The following LRRC19 variants were observed in gnomAD, a reference collection of about 807,000 sequenced individuals.
LRRC19 encodes leucine-rich repeat-containing protein 19.
A neutral mutation model predicts 33.3 loss-of-function variants in LRRC19; 33 were observed. That is an observed-to-expected ratio of 0.99 (90% CI 0.75 to 1.33). The LOEUF (loss-of-function observed/expected upper bound fraction) is 1.33. LRRC19 is among the 40% of genes most tolerant of loss of function. The pLI, the probability that LRRC19 is intolerant of heterozygous loss-of-function variation, is 0.00. For missense variants in LRRC19, 463 were observed against 417.3 expected (o/e 1.11, Z -0.95); for synonymous variants, 184 against 152.3 (o/e 1.21, Z -1.53).
In LRRC19 at chr9:26,997,767, T is replaced by A. The variant is rs1828242078; in HGVS notation, c.556A>T (p.Asn186Tyr). Residue 186 changes from asparagine (N) to tyrosine (Y), a missense_variant, in exon 3 of 5, where the codon AAT becomes TAT. Coordinates refer to ENST00000380055, the MANE Select transcript of LRRC19 (RefSeq NM_022901.3). ...NLWNCSCSLF[N>Y]LQNWLNTSNV... ...GATGTGTTCAACCAGTTCTGCAAAT[T>A]AAATAGACTGCAAGAGCAGTTCCAT... 6.2e-7 allele frequency: 1 copy of A among 1,611,134 alleles called. No individual in the cohort carries two copies. The highest frequency in any genetic ancestry group is 1.1e-5 in the South Asian group (1 of 90,102).
intron 1 of LRRC19, among the ~76,000 whole-genome samples, chr9:27,000,662 C>A (rs1190690128): frequency 6.6e-6 from 1 of 152,098 alleles, no homozygotes; most frequent in Admixed American, 6.6e-5. Flanking sequence ...TCTCTTCTAG[C>A]TGTTTTTAAA....
chr9:26,997,095 C>T (rs1038271696), intron 3 of LRRC19, among the ~76,000 whole-genome samples: 1 of 151,664 alleles, frequency 6.6e-6, no homozygotes, highest in Non-Finnish European at 1.5e-5. Context: ...GACTGTAATC[C>T]CAGCTACTGG....
At chr9:26,996,704 C>G (rs1828177687) in intron 3 of LRRC19, among the ~76,000 whole-genome samples, 1 of 151,950 alleles carries the variant, frequency 6.6e-6, no homozygotes, top group East Asian at 1.9e-4. Context: ...AATGCAGTAT[C>G]TTTGTTATTT....
chr9:26,997,750 C>A lies in LRRC19; in HGVS notation c.573G>T (p.Leu191Phe). ...TACCTAATGTCACATTTGATGTGTT[C>A]AACCAGTTCTGCAAATTAAATAGAC... Reference protein sequence around the residue: ...SCSLFNLQNWLNTSNVTLENE... With the variant: ...SCSLFNLQNWFNTSNVTLENE... Residue 191 changes from leucine to phenylalanine, a missense_variant, in exon 3 of 5, where the codon TTG becomes TTT. Leu to Phe is a conservative substitution (Grantham distance 22). Transcript: ENST00000380055. 6.2e-7 allele frequency: 1 copy of A among 1,608,508 alleles called. No homozygotes were observed. The highest frequency in any genetic ancestry group is 1.1e-5 in the South Asian group (1 of 89,380).
In LRRC19 at chr9:26,994,104, T is replaced by A. The variant is rs1047141117; in HGVS notation, c.*1417A>T. The A allele has an allele frequency of 1.3e-5, 2 of 152,232 alleles. No individual in the cohort carries two copies. The highest frequency in any genetic ancestry group is 4.8e-5 in the African/African-American group (2 of 41,462). 9.4% of individuals were successfully genotyped at this position (152,232 alleles called of 1,614,324 possible). A position where few individuals can be genotyped will look rare whatever the true frequency, so the allele number is the denominator to read the frequency against. The stretch of plus-strand genomic sequence containing the variant: ...GTTTTCCAAACTACGTTCTTTGGAA[T>A]GTTATTGAACTACGAGCTCTTAGTA... On this transcript the variant is annotated 3_prime_UTR_variant, in exon 5 of 5. Transcript: ENST00000380055.
chr9:26,995,248 T>C lies in LRRC19; in HGVS notation c.*273A>G, dbSNP rs1828080024. On this transcript the variant is annotated 3_prime_UTR_variant, in exon 5 of 5. Coordinates refer to ENST00000380055, the MANE Select transcript of LRRC19 (RefSeq NM_022901.3). ...TTTAATTCATGAATAATTTAGACCT[T>C]TTTACTAGTTCGTATGGTCACCCAA... is the stretch of plus-strand genomic sequence containing the variant. The C allele has an allele frequency of 4.3e-6, 1 of 232,984 alleles. No homozygotes were observed. 14.4% of individuals were successfully genotyped at this position (232,984 alleles called of 1,614,324 possible). A position where few individuals can be genotyped will look rare whatever the true frequency, so the allele number is the denominator to read the frequency against.
Position 27,000,611 on chromosome 9 carries a change from G to A in LRRC19, c.-9-908C>T, listed in dbSNP as rs569578462. Among the ~76,000 whole-genome samples the A allele has an allele frequency of 3.5e-4, 53 of 152,222 alleles. No homozygotes were observed. In the South Asian group the frequency reaches 9.5e-3, roughly 27 times the overall value. ...TTAATGTACTTGGGATATCCAACAC[G>A]TTAAATATTTGTCTTTTCTTTATAA... On this transcript the variant is annotated intron_variant, in intron 1 of 4. Transcript: ENST00000380055.
chr9:27,001,453 A>G (rs901137029), intron 1 of LRRC19, among the ~76,000 whole-genome samples: 1 of 152,146 alleles, frequency 6.6e-6, no homozygotes, highest in Non-Finnish European at 1.5e-5. Flanking sequence ...CTTTCTCCAC[A>G]TCGTCACCAG....
intron 1 of LRRC19, among the ~76,000 whole-genome samples, chr9:27,004,570 T>TA (rs1828676424): frequency 6.6e-6 from 1 of 152,198 alleles, no homozygotes; most frequent in African/African-American, 2.4e-5. Flanking sequence ...GAAAATCAGA[T>TA]ACGCAGAATA....
In LRRC19 at chr9:26,993,315, T is replaced by C. The variant is rs1827969815; in HGVS notation, c.*2206A>G. On this transcript the variant is annotated 3_prime_UTR_variant, in exon 5 of 5. Transcript: ENST00000380055. ...GAAATAATTTAGCAGAATGATACAT[T>C]GTTTAGAAAAAGATATTTTATGTTC... 1 of 152,184 alleles carries C rather than the reference T, an allele frequency of 6.6e-6. No homozygotes were observed. Among genetic ancestry groups the C allele is most frequent in the African/African-American group, 2.4e-5 (1 of 41,466 alleles). 9.4% of individuals were successfully genotyped at this position (152,184 alleles called of 1,614,324 possible).
intron 4 of LRRC19, among the ~76,000 whole-genome samples, chr9:26,996,061 T>C (rs1828138868): frequency 1.3e-5 from 2 of 152,184 alleles, no homozygotes; most frequent in African/African-American, 2.4e-5. Flanking sequence ...CCATTATTGA[T>C]TTATACTCGT....
intron 3 of LRRC19, 24 bp from the exon 4 acceptor site, chr9:26,996,523 T>G: frequency 2.2e-6 from 3 of 1,359,806 alleles, no homozygotes; most frequent in Non-Finnish European, 2.9e-6. Flanking sequence ...AAGAATAAGA[T>G]TTAGTATAGA....
intron 1 of LRRC19, 67 bp from the exon 2 acceptor site, chr9:26,999,770 CTTTTTTTT>C (rs1179000269): frequency 1.3e-4 from 43 of 340,126 alleles, no homozygotes; most frequent in East Asian, 3.1e-4. Flanking sequence ...TCTGTTTATT[CTTTTTTTT>C]TTTTTTTTTT....
At chr9:26,999,041 C>T (rs370843364) in intron 2 of LRRC19, among the ~76,000 whole-genome samples, 1 of 152,154 alleles carries the variant, frequency 6.6e-6, no homozygotes, top group South Asian at 2.1e-4. Context: ...TCTGGTTTAA[C>T]TCTCTTAAAC....
rs971068427 is a variant in LRRC19 at position 26,994,236 on chromosome 9, A to T, written c.*1285T>A. 6.6e-6 allele frequency: 1 copy of T among 152,148 alleles called. No homozygotes were observed. The highest frequency in any genetic ancestry group is 2.4e-5 in the African/African-American group (1 of 41,444). The allele number at this position is 152,148 out of a possible 1,614,324, so 9.4% of individuals were successfully genotyped here. ...GTTTAGCTTAGTAAAGTTTTACATA[A>T]ATCCTATTGTAAAGAATCTTGGCCA... On this transcript the variant is annotated 3_prime_UTR_variant, in exon 5 of 5. Transcript: ENST00000380055.
intron 3 of LRRC19, among the ~76,000 whole-genome samples, chr9:26,996,937 G>A (rs1027655976): frequency 5.3e-5 from 8 of 152,160 alleles, no homozygotes; most frequent in Admixed American, 1.3e-4. Context: ...CTGGCCGGGC[G>A]CAGAGGCTCA....
Position 26,997,859 on chromosome 9 carries a change from T to G in LRRC19, c.464A>C (p.Asn155Thr), listed in dbSNP as rs1169775466. 3 of 1,614,072 alleles carry G rather than the reference T, an allele frequency of 1.9e-6. No individual in the cohort carries two copies. Among genetic ancestry groups the G allele is most frequent in the Admixed American group, 3.3e-5 (2 of 60,004 alleles). Residue 155 changes from asparagine to threonine, a missense_variant, in exon 3 of 5, where the codon AAT (asparagine) becomes ACT (threonine). Coordinates refer to ENST00000380055, the MANE Select transcript of LRRC19 (RefSeq NM_022901.3). ...RSLKLLNLQG[N>T]LISYLDVPPL... ...TGGTACATCCAAATAGCTAATCAAA[T>G]TGCCTTGCAGATTCAGAAGTTTTAG...
intron 1 of LRRC19, 137 bp from the exon 2 acceptor site, chr9:26,999,840 C>T: frequency 1.9e-6 from 1 of 528,320 alleles, no homozygotes; most frequent in Non-Finnish European, 3.2e-6. Context: ...GGCATGGTCA[C>T]AGCTCACTGC....
intron 3 of LRRC19, 110 bp downstream of exon 3, chr9:26,997,618 G>A (rs780869486): frequency 5.2e-6 from 6 of 1,160,968 alleles, no homozygotes; most frequent in Non-Finnish European, 7.2e-6. Flanking sequence ...ACAGGCATGA[G>A]CCACTGCGCC....
Sources: gnomAD v4.1 joint callset for allele counts (sites outside exome capture counted in the v4.1 genomes callset) on GRCh38, gnomAD v4.1.1 for gene constraint, MANE v1.5 for transcripts, NCBI Gene and HGNC (gene_info 2026-07-23, HGNC 2026-07-21) for gene names.